The following UNC13A variants were observed in gnomAD, a reference collection of about 807,000 sequenced individuals.
UNC13A encodes the protein protein unc-13 homolog A.
In UNC13A, 61 loss-of-function variants were observed where a neutral mutation model predicts 219.7. The observed-to-expected ratio is 0.28, with a 90% CI of 0.23 to 0.34. UNC13A has a LOEUF of 0.34. UNC13A is among the 10% of genes least tolerant of loss of function. The probability of loss-of-function intolerance (pLI) is 1.00; values close to 1 mark genes in which losing one functional copy is unlikely to be tolerated. For missense variants in UNC13A, 1,476 were observed against 2,270.3 expected (o/e 0.65, Z 7.11); for synonymous variants, 920 against 884.6 (o/e 1.04, Z -0.71).
chr19:17,683,352 C>T (rs1599422945), intron 1 of UNC13A, among the ~76,000 whole-genome samples: 1 of 152,056 alleles, frequency 6.6e-6, no homozygotes, highest in South Asian at 2.1e-4. Flanking sequence ...AAATGCTGGG[C>T]TGGGCACGGT....
In UNC13A at chr19:17,627,653, G is replaced by T; in HGVS notation, c.3832-56C>A. 1 of 1,443,496 alleles carries T rather than the reference G, an allele frequency of 6.9e-7. No homozygotes were observed. The highest frequency in any genetic ancestry group is 9.5e-7 in the Non-Finnish European group (1 of 1,047,512). 89.4% of individuals were successfully genotyped at this position (1,443,496 alleles called of 1,614,324 possible). On this transcript the variant is annotated intron_variant, in intron 32 of 43. Coordinates refer to ENST00000519716, the MANE Select transcript of UNC13A (RefSeq NM_001080421.3). The surrounding 1 kb of genome is among the most constrained non-coding windows in gnomAD (Gnocchi z 4.7). ...TTCAGTAAGTATCCACATGTACTGG[G>T]CATTTTCTCATCTGACCCAGGGAAA...
chr19:17,628,870 G>A (rs966045394), intron 31 of UNC13A, among the ~76,000 whole-genome samples: 18 of 151,574 alleles, frequency 1.2e-4, no homozygotes, highest in African/African-American at 3.2e-4. Flanking sequence ...ACACTCAGAC[G>A]TGCACAGTTG....
At position 17,602,951 on chromosome 19, in the gene UNC13A, CAGAG is replaced by C. The variant is rs2076481615; in HGVS notation, c.*3099_*3102del. ...CCAGTCTGGGAGAAACAGAGCTGGA[CAGAG>C]AAACCCCCAGTCCCATGGCATCAGG... On this transcript the variant is annotated 3_prime_UTR_variant, in exon 44 of 44. Transcript: ENST00000519716. The C allele has an allele frequency of 6.6e-6, 1 of 152,176 alleles. No individual in the cohort carries two copies. Among genetic ancestry groups the C allele is most frequent in the African/African-American group, 2.4e-5 (1 of 41,432 alleles). The allele number at this position is 152,176 out of a possible 1,614,324, so 9.4% of individuals were successfully genotyped here.
In UNC13A at chr19:17,629,260, A is replaced by G; in HGVS notation, c.3733T>C (p.Ser1245Pro). The change falls in exon 31 of 44, where the codon TCC (serine) becomes CCC (proline). Residue 1245 changes from serine to proline, a missense_variant. By Grantham distance (74) the Ser-to-Pro change is moderately conservative (BLOSUM62 -1). Around this residue, in one of 14 missense-constraint regions of UNC13A, gnomAD observed 218 missense variants for 409.4 expected, o/e 0.53. Coordinates refer to ENST00000519716, the MANE Select transcript of UNC13A (RefSeq NM_001080421.3). ...IISKDFASYC[S>P]KEKEKVPCIL... is the part of the protein sequence containing the mutation. ...GTCACCACTTTCTCCTTCTCCTTGG[A>G]GCAGTAGGAGGCAAAGTCCTTGGAG... is the stretch of plus-strand genomic sequence containing the variant. The G allele has an allele frequency of 6.2e-7, 1 of 1,611,460 alleles. No individual in the cohort carries two copies. Among genetic ancestry groups the G allele is most frequent in the Non-Finnish European group, 8.5e-7 (1 of 1,179,068 alleles).
chr19:17,640,738 A>G, intron 21 of UNC13A, 77 bp from the exon 22 acceptor site: 1 of 1,433,696 alleles, frequency 7.0e-7, no homozygotes, highest in Non-Finnish European at 9.2e-7. Context: ...AATGCCTCCA[A>G]GATAGCATCT....
chr19:17,686,715 G>C (rs1344941463), intron 1 of UNC13A, among the ~76,000 whole-genome samples: 1 of 151,990 alleles, frequency 6.6e-6, no homozygotes, highest in Non-Finnish European at 1.5e-5. Context: ...GTCCCTTTAA[G>C]AACACCCGCG....
In UNC13A at chr19:17,672,416, C is replaced by A. The variant is rs765390715; in HGVS notation, c.232G>T (p.Val78Leu). 1 of 1,613,856 alleles carries A rather than the reference C, an allele frequency of 6.2e-7. No individual in the cohort carries two copies. The change falls in exon 4 of 44, where the codon GTG (valine) becomes TTG (leucine). Residue 78 changes from valine (V) to leucine (L), a missense_variant. Physicochemically the swap from Val to Leu is conservative, Grantham distance 32 (BLOSUM62 1). This residue lies in a region of UNC13A where 203 missense variants were observed against 301.6 expected (regional missense o/e 0.67). Coordinates refer to ENST00000519716, the MANE Select transcript of UNC13A (RefSeq NM_001080421.3). Reference sequence around the variant, plus strand: ...CGGATGGTCCTCAGTGGGATCCACACAGTGCCCACCATTGTGTCCCAGATG... The same window carrying A: ...CGGATGGTCCTCAGTGGGATCCACAAAGTGCCCACCATTGTGTCCCAGATG... ...GLIWDTMVGT[V>L]WIPLRTIRQS...
At position 17,627,683 on chromosome 19, in the gene UNC13A, T is replaced by C; in HGVS notation, c.3832-86A>G. The C allele has an allele frequency of 7.6e-7, 1 of 1,319,104 alleles. No individual in the cohort carries two copies. Among genetic ancestry groups the C allele is most frequent in the South Asian group, 1.3e-5 (1 of 79,040 alleles). 81.7% of individuals were successfully genotyped at this position (1,319,104 alleles called of 1,614,324 possible). A position where few individuals can be genotyped will look rare whatever the true frequency, so the allele number is the denominator to read the frequency against. On this transcript the variant is annotated intron_variant, in intron 32 of 43. Transcript: ENST00000519716. The surrounding 1 kb of genome is among the most constrained non-coding windows in gnomAD (Gnocchi z 4.7). The stretch of plus-strand genomic sequence containing the variant: ...TTCTCATCTGACCCAGGGAAAGGGA[T>C]CCCAAGGGGCTGCAGGGGAAACTGA...
Position 17,649,405 on chromosome 19 carries a change from C to G in UNC13A, c.1519-61G>C. Reference sequence around the variant, plus strand: ...AGACTACATTAGTCTCAGAGAATGCCTAGCTGGCCCCCAACCCCAGGTTGA... The same window carrying G: ...AGACTACATTAGTCTCAGAGAATGCGTAGCTGGCCCCCAACCCCAGGTTGA... On this transcript the variant is annotated intron_variant, in intron 13 of 43. Coordinates refer to ENST00000519716, the MANE Select transcript of UNC13A (RefSeq NM_001080421.3). The surrounding 1 kb of genome is among the most constrained non-coding windows in gnomAD (Gnocchi z 4.4). 1 of 1,613,164 alleles carries G rather than the reference C, an allele frequency of 6.2e-7. No individual in the cohort carries two copies. The highest frequency in any genetic ancestry group is 8.5e-7 in the Non-Finnish European group (1 of 1,179,738).
intron 26 of UNC13A, 69 bp downstream of exon 26, chr19:17,635,955 C>A: frequency 1.3e-6 from 2 of 1,516,724 alleles, no homozygotes; most frequent in South Asian, 1.3e-5. Flanking sequence ...TCTTGACACA[C>A]AAGACACAAA....
Position 17,658,190 on chromosome 19 carries a change from A to G in UNC13A, c.639T>C (p.Tyr213=). The G allele has an allele frequency of 6.2e-7, 1 of 1,613,966 alleles. No homozygotes were observed. Among genetic ancestry groups the G allele is most frequent in the Non-Finnish European group, 8.5e-7 (1 of 1,179,886 alleles). The change falls in exon 9 of 44, where the codon TAT becomes TAC. Residue 213 remains tyrosine, a synonymous_variant. Transcript: ENST00000519716. The part of the protein sequence containing the change: ...SETSNSIPPP[Y]YTTSQPNASV... ...AGGCGTTGGGTTGTGACGTAGTATA[A>G]TAGGGCGGCGGGATGCTGTTGCTCG... is the stretch of plus-strand genomic sequence containing the variant.
chr19:17,674,783 G>A lies in UNC13A; in HGVS notation c.53-27C>T, dbSNP rs541921756. 5.0e-5 allele frequency: 79 copies of A among 1,591,624 alleles called. No individual in the cohort carries two copies. The highest frequency in any genetic ancestry group is 2.5e-4 in the East Asian group (11 of 44,794). On this transcript the variant is annotated intron_variant, in intron 2 of 43. Coordinates refer to ENST00000519716, the MANE Select transcript of UNC13A (RefSeq NM_001080421.3). The surrounding 1 kb of genome is among the most constrained non-coding windows in gnomAD (Gnocchi z 5.0). Reference sequence around the variant, plus strand: ...TGTGGCAGTGAGAGTAGGGGTCAGCGCTGGGGCTCAGGGACTCTCCAATGC... The same window carrying A: ...TGTGGCAGTGAGAGTAGGGGTCAGCACTGGGGCTCAGGGACTCTCCAATGC...
Position 17,627,220 on chromosome 19 carries a change from C to T in UNC13A, c.3920+289G>A, listed in dbSNP as rs532275114. Among the ~76,000 whole-genome samples the T allele has an allele frequency of 6.6e-6, 1 of 152,026 alleles. No homozygotes were observed. The highest frequency in any genetic ancestry group is 2.1e-4 in the South Asian group (1 of 4,818). On this transcript the variant is annotated intron_variant, in intron 33 of 43. Coordinates refer to ENST00000519716, the MANE Select transcript of UNC13A (RefSeq NM_001080421.3). The surrounding 1 kb of genome is among the most constrained non-coding windows in gnomAD (Gnocchi z 4.7). ...TGCAGAACCAGGCAAAGGGATAAGA[C>T]ATTTGCCCGCATTGTTCATTTCATT...
Position 17,648,311 on chromosome 19 carries a change from GC to G in UNC13A, c.1816+119del, listed in dbSNP as rs2079280214. 7 of 31,746 alleles carry G rather than the reference GC, an allele frequency of 2.2e-4. No homozygotes were observed. The South Asian group carries it at 3.1e-3, about 14-fold the overall frequency. The allele number at this position is 31,746 out of a possible 1,614,324, so 2.0% of individuals were successfully genotyped here. A position where few individuals can be genotyped will look rare whatever the true frequency, so the allele number is the denominator to read the frequency against. On this transcript the variant is annotated intron_variant, in intron 16 of 43. Transcript: ENST00000519716. The stretch of plus-strand genomic sequence containing the variant: ...TCCCTCCCCTGCCTCACGACGCCCC[GC>G]CCCTTGCCCCGCCCCATGGTGCCCC...
At chr19:17,664,879 G>A (rs2079613066) in intron 7 of UNC13A, among the ~76,000 whole-genome samples, 1 of 152,174 alleles carries the variant, frequency 6.6e-6, no homozygotes, top group African/African-American at 2.4e-5. Flanking sequence ...AGAGCTGTGA[G>A]AGGGGAGAAA....
intron 23 of UNC13A, 71 bp from the exon 24 acceptor site, chr19:17,639,596 G>T: frequency 6.7e-7 from 1 of 1,500,698 alleles, no homozygotes; most frequent in South Asian, 1.2e-5. Context: ...GCTTTTCAGG[G>T]GGATACAAAG....
At chr19:17,672,317 T>C in intron 4 of UNC13A, 61 bp downstream of exon 4, 1 of 1,350,210 alleles carries the variant, frequency 7.4e-7, no homozygotes, top group Non-Finnish European at 1.1e-6. Context: ...TTTAGTCCAC[T>C]GGTCTCTGGG....
chr19:17,684,172 C>T (rs1709652081), intron 1 of UNC13A, among the ~76,000 whole-genome samples: 1 of 152,174 alleles, frequency 6.6e-6, no homozygotes, highest in African/African-American at 2.4e-5. Context: ...GGAAGTAACC[C>T]TTCACACCAC....
intron 28 of UNC13A, among the ~76,000 whole-genome samples, chr19:17,631,175 C>CCT (rs1568513134): frequency 0.011 from 285 of 25,472 alleles, 18 homozygotes; most frequent in African/African-American, 0.028. Context: ...CCCTCCCTCC[C>CCT]TCCTTTCCTT....
Sources: gnomAD v4.1 joint callset for allele counts (sites outside exome capture counted in the v4.1 genomes callset) on GRCh38, gnomAD v4.1.1 for gene constraint, gnomAD v4.1.1 regional missense constraint, Gnocchi (gnomAD v3.1) non-coding constraint, MANE v1.5 for transcripts, NCBI Gene and HGNC (gene_info 2026-07-23, HGNC 2026-07-21) for gene names.